PARN: variants seen among roughly 807,000 people sequenced by gnomAD.
PARN encodes poly(A)-specific ribonuclease.
In PARN, 71 loss-of-function variants were observed where a neutral mutation model predicts 102.8. The observed-to-expected ratio is 0.69, with a 90% CI of 0.57 to 0.84. The LOEUF is 0.84. Among genes scored for constraint, PARN ranks in the 40% least tolerant of loss-of-function variants. The pLI, the probability that PARN is intolerant of heterozygous loss-of-function variation, is 0.00. For missense variants in PARN, 782 were observed against 760.9 expected, an observed-to-expected ratio of 1.03 and a Z score of -0.33; for synonymous variants, 261 against 252.9, an observed-to-expected ratio of 1.03 and a Z score of -0.30.
At chr16:14,612,901 A>T (rs202043213) in intron 6 of PARN, among the ~76,000 whole-genome samples, 3 of 148,928 alleles carry the variant, frequency 2.0e-5, no homozygotes, top group East Asian at 4.2e-4. Context: ...CCTACCACGG[A>T]CATGTTAAAT....
chr16:14,561,535 A>G (rs1968062031), intron 18 of PARN, among the ~76,000 whole-genome samples: 1 of 152,264 alleles, frequency 6.6e-6, no homozygotes, highest in Non-Finnish European at 1.5e-5. Flanking sequence ...ATATTAAATC[A>G]TTCTGTGGCT....
intron 21 of PARN, among the ~76,000 whole-genome samples, chr16:14,549,498 G>A (rs1167276007): frequency 2.0e-5 from 3 of 152,170 alleles, no homozygotes; most frequent in South Asian, 2.1e-4. Flanking sequence ...GTAGCTCCCT[G>A]ATTAGAGTTA....
At chr16:14,618,189 C>T (rs1340530715) in intron 5 of PARN, among the ~76,000 whole-genome samples, 1 of 151,958 alleles carries the variant, frequency 6.6e-6, no homozygotes, top group Non-Finnish European at 1.5e-5. Context: ...ACTAAAAATA[C>T]AAAAATTAGC....
intron 21 of PARN, among the ~76,000 whole-genome samples, chr16:14,515,074 T>C (rs535399314): frequency 2.6e-5 from 4 of 152,330 alleles, no homozygotes; most frequent in Admixed American, 1.3e-4. Context: ...AAACTTGCCG[T>C]TGTCACTGTG....
At chr16:14,464,285 G>A (rs2151576411) in intron 22 of PARN, among the ~76,000 whole-genome samples, 1 of 152,190 alleles carries the variant, frequency 6.6e-6, no homozygotes, top group African/African-American at 2.4e-5. Flanking sequence ...AGAAGAACTT[G>A]TAAAAAGTAG....
At chr16:14,575,904 C>T (rs1430409817) in intron 18 of PARN, among the ~76,000 whole-genome samples, 1 of 152,124 alleles carries the variant, frequency 6.6e-6, no homozygotes, top group Non-Finnish European at 1.5e-5. Flanking sequence ...GTCTTTCCTG[C>T]ACTGTTCTCG....
chr16:14,603,085 T>A (rs865922757), intron 11 of PARN, among the ~76,000 whole-genome samples: 29 of 152,016 alleles, frequency 1.9e-4, no homozygotes, highest in African/African-American at 6.8e-4. Flanking sequence ...CACACCTGGA[T>A]AATTTTTTTT....
At chr16:14,559,009 TGGGA>T (rs1342979478) in intron 18 of PARN, among the ~76,000 whole-genome samples, 3 of 152,174 alleles carry the variant, frequency 2.0e-5, no homozygotes, top group Non-Finnish European at 2.9e-5. Context: ...CTCACCTGGC[TGGGA>T]GGGAGAAAAA....
At chr16:14,563,872 T>G (rs1376858104) in intron 18 of PARN, among the ~76,000 whole-genome samples, 1 of 152,100 alleles carries the variant, frequency 6.6e-6, no homozygotes, top group African/African-American at 2.4e-5. Context: ...GTGGGATTTT[T>G]GTGTTTTAAA....
At chr16:14,609,507 G>A (rs915472507) in intron 7 of PARN, among the ~76,000 whole-genome samples, 1 of 152,080 alleles carries the variant, frequency 6.6e-6, no homozygotes, top group Non-Finnish European at 1.5e-5. Context: ...GGAAGTTGAG[G>A]CTGCAGTGAG....
At chr16:14,596,601 C>T (rs1312170282) in intron 12 of PARN, among the ~76,000 whole-genome samples, 9 of 151,634 alleles carry the variant, frequency 5.9e-5, no homozygotes, top group African/African-American at 1.7e-4. Flanking sequence ...AAATTATCCA[C>T]GTGTGGTACT....
chr16:14,623,697 C>T (rs1972463019), intron 5 of PARN, among the ~76,000 whole-genome samples: 1 of 151,358 alleles, frequency 6.6e-6, no homozygotes, highest in South Asian at 2.1e-4. Context: ...ATTAGCAGGG[C>T]GTGGTGGCAG....
At chr16:14,586,046 T>C (rs1285738717) in intron 14 of PARN, among the ~76,000 whole-genome samples, 2 of 151,380 alleles carry the variant, frequency 1.3e-5, no homozygotes, top group Non-Finnish European at 1.5e-5. Flanking sequence ...GTAGCACTAT[T>C]ATGGCTCACT....
chr16:14,454,250 G>A (rs1460410965), intron 22 of PARN, among the ~76,000 whole-genome samples: 3 of 152,178 alleles, frequency 2.0e-5, no homozygotes. Context: ...GGAGGCCAAG[G>A]TGGGCGGATC....
chr16:14,575,961 G>A (rs147821520), intron 18 of PARN: 1 of 152,578 alleles, frequency 6.6e-6, no homozygotes, highest in East Asian at 1.9e-4. Context: ...AAAAATGGGA[G>A]TGTCCCTGCA....
chr16:14,438,441 T>TGGGGGGGGGGGGGGGGGGG (rs375043884), intron 23 of PARN, among the ~76,000 whole-genome samples: 1 of 107,024 alleles, frequency 9.3e-6, no homozygotes, highest in African/African-American at 3.9e-5. Context: ...TGCCATTAGT[T>TGGGGGGGGGGGGGGGGGGG]GGGGGGGGGG....
chr16:14,490,251 T>A (rs1029832545), intron 21 of PARN, among the ~76,000 whole-genome samples: 2 of 152,198 alleles, frequency 1.3e-5, no homozygotes, highest in Non-Finnish European at 2.9e-5. Flanking sequence ...GTCAGCATTA[T>A]CCTGGCTTTA....
chr16:14,595,430 T>C (rs1970445057), intron 12 of PARN, among the ~76,000 whole-genome samples: 1 of 152,098 alleles, frequency 6.6e-6, no homozygotes, highest in South Asian at 2.1e-4. Context: ...AATGGCACCA[T>C]CATGGCTCAA....
chr16:14,506,687 A>T (rs1481820974), intron 21 of PARN, among the ~76,000 whole-genome samples: 1 of 152,212 alleles, frequency 6.6e-6, no homozygotes, highest in Non-Finnish European at 1.5e-5. Context: ...ATAGGTTTGA[A>T]ATTTTTCAGA....
Sources: allele counts gnomAD v4.1 joint callset (sites outside exome capture counted in the v4.1 genomes callset), GRCh38; gene constraint gnomAD v4.1.1; transcripts MANE v1.5; gene names NCBI Gene and HGNC (gene_info 2026-07-23, HGNC 2026-07-21).